The following PRKAA1 variants were observed in gnomAD, a reference collection of about 807,000 sequenced individuals.
PRKAA1 encodes the protein protein kinase AMP-activated catalytic subunit alpha 1, also known as 5'-AMP-activated protein kinase catalytic subunit alpha-1.
PRKAA1 carries 23 observed loss-of-function variants against 56.9 expected under a neutral mutation model. The ratio of observed to expected loss-of-function variants is 0.40; its 90% CI spans 0.29 to 0.57. PRKAA1 has a LOEUF of 0.57. PRKAA1 is among the 20% of genes least tolerant of loss of function. The pLI, the probability that PRKAA1 is intolerant of heterozygous loss-of-function variation, is 0.39. For missense variants in PRKAA1, 413 were observed against 679.7 expected, an observed-to-expected ratio of 0.61 and a Z score of 4.36; for synonymous variants, 226 against 227.0, an observed-to-expected ratio of 1.00 and a Z score of 0.04.
rs1743131830 is a variant in PRKAA1, at chr5:40,760,407, T to C, written c.*2371A>G. On this transcript the variant is annotated 3_prime_UTR_variant, in exon 9 of 9. Coordinates refer to ENST00000397128, the MANE Select transcript of PRKAA1 (RefSeq NM_006251.6). ...ACAATTTTTAAAAGGTCCTATTTAA[T>C]TGGTTCCTCCTTTTCTTCCCCCCTC... The C allele has an allele frequency of 6.5e-6, 1 of 152,732 alleles. No individual in the cohort carries two copies. Among genetic ancestry groups the C allele is most frequent in the Non-Finnish European group, 1.5e-5 (1 of 68,012 alleles). The allele number at this position is 152,732 out of a possible 1,614,324, so 9.5% of individuals were successfully genotyped here.
intron 8 of PRKAA1, 185 bp downstream of exon 8, chr5:40,764,329 C>A: frequency 1.8e-6 from 1 of 566,078 alleles, no homozygotes; most frequent in Non-Finnish European, 3.0e-6. Context: ...GGACAATATG[C>A]TATAAGATTA....
intron 4 of PRKAA1, among the ~76,000 whole-genome samples, chr5:40,771,300 G>C (rs779115983): frequency 4.6e-5 from 7 of 152,192 alleles, no homozygotes; most frequent in Non-Finnish European, 5.9e-5. Context: ...GAGGCCAGGA[G>C]TTCAAGAGCA....
Position 40,765,273 on chromosome 5 carries a change from T to C in PRKAA1, c.822-35A>G, listed in dbSNP as rs773346343. ...AAATGGCAGGATCAGGAGAAGGACT[T>C]TGAATAGAGCTGAGACTGAAAGTAA... On this transcript the variant is annotated intron_variant, in intron 6 of 8. Transcript: ENST00000397128. 3.2e-6 allele frequency: 5 copies of C among 1,571,856 alleles called. No homozygotes were observed. The South Asian group carries it at 4.8e-5, about 15-fold the overall frequency.
At chr5:40,790,086 T>G (rs1400774715) in intron 1 of PRKAA1, 2 of 152,180 alleles carry the variant, frequency 1.3e-5, no homozygotes, top group African/African-American at 4.8e-5. Flanking sequence ...TCCAGGTGAC[T>G]GAGAACAGAA....
At chr5:40,787,898 T>C (rs1163799066) in intron 1 of PRKAA1, among the ~76,000 whole-genome samples, 1 of 151,954 alleles carries the variant, frequency 6.6e-6, no homozygotes, top group African/African-American at 2.4e-5. Flanking sequence ...AGGCATAGAG[T>C]GGCTAAATGG....
intron 1 of PRKAA1, among the ~76,000 whole-genome samples, chr5:40,788,641 A>T (rs1744593695): frequency 6.6e-6 from 1 of 152,144 alleles, no homozygotes; most frequent in Admixed American, 6.5e-5. Flanking sequence ...CAGCCTGACC[A>T]ACATGGTGAA....
chr5:40,796,975 TAAAGAA>T (rs1744953112), intron 1 of PRKAA1, among the ~76,000 whole-genome samples: 1 of 150,064 alleles, frequency 6.7e-6, no homozygotes, highest in South Asian at 2.1e-4. Flanking sequence ...TCAAATATGT[TAAAGAA>T]AAAAAAAATC....
chr5:40,797,817 G>GC (rs1270579833), intron 1 of PRKAA1, among the ~76,000 whole-genome samples: 13 of 152,198 alleles, frequency 8.5e-5, no homozygotes, highest in Middle Eastern at 3.4e-3. Context: ...GTACCTACCA[G>GC]CCCCTCAGGC....
intron 1 of PRKAA1, among the ~76,000 whole-genome samples, chr5:40,788,080 G>C (rs1744569538): frequency 6.6e-6 from 1 of 152,194 alleles, no homozygotes; most frequent in Non-Finnish European, 1.5e-5. Context: ...TAGGTCCAAA[G>C]AGAACAAAGC....
rs1468122343 is a variant in PRKAA1, at chr5:40,795,006, T to TACACACACAC, written c.127+3056_127+3057insGTGTGTGTGT. Among the ~76,000 whole-genome samples, 677 of 139,942 alleles carry TACACACACAC rather than the reference T, an allele frequency of 4.8e-3. 6 individuals carry two copies. Among genetic ancestry groups the TACACACACAC allele is most frequent in the African/African-American group, 0.018 (644 of 35,146 alleles). The allele number at this position is 139,942 out of a possible 152,430, so 91.8% of individuals were successfully genotyped here. On this transcript the variant is annotated intron_variant, in intron 1 of 8. Coordinates refer to ENST00000397128, the MANE Select transcript of PRKAA1 (RefSeq NM_006251.6). The stretch of plus-strand genomic sequence containing the variant: ...AAAGAAACTGTGGTGTATACATATA[T>TACACACACAC]ATACACACACACACACACACACACA...
intron 2 of PRKAA1, 44 bp downstream of exon 2, chr5:40,777,401 G>A (rs1744059599): frequency 2.0e-6 from 3 of 1,533,362 alleles, no homozygotes; most frequent in South Asian, 2.4e-5. Flanking sequence ...TAACAAAAAA[G>A]ATGAAAAGAT....
Position 40,767,534 on chromosome 5 carries a change from A to T in PRKAA1, c.753T>A (p.Ser251=), listed in dbSNP as rs1221948823. Residue 251 remains serine, a synonymous_variant, in exon 6 of 9, where the codon TCT becomes TCA. Transcript: ENST00000397128. ...IFYTPQYLNP[S]VISLLKHMLQ... Reference sequence around the variant, plus strand: ...GCATATGTTTCAAAAGGCTAATCACAGAAGGATTTAAATATTGAGGGGTAT... The same window carrying T: ...GCATATGTTTCAAAAGGCTAATCACTGAAGGATTTAAATATTGAGGGGTAT... 1 of 1,613,884 alleles carries T rather than the reference A, an allele frequency of 6.2e-7. No individual in the cohort carries two copies. The highest frequency in any genetic ancestry group is 1.7e-5 in the Admixed American group (1 of 60,004).
intron 6 of PRKAA1, among the ~76,000 whole-genome samples, chr5:40,765,992 G>A (rs1323921596): frequency 6.6e-6 from 1 of 151,542 alleles, no homozygotes; most frequent in African/African-American, 2.4e-5. Context: ...CTGGGTCATG[G>A]GATTAAAGAT....
chr5:40,791,442 C>A (rs887927453), intron 1 of PRKAA1, among the ~76,000 whole-genome samples: 3 of 152,200 alleles, frequency 2.0e-5, no homozygotes, highest in African/African-American at 7.2e-5. Context: ...TATTAGCTAA[C>A]AACCATGCTA....
chr5:40,769,878 T>TA (rs3071208), intron 4 of PRKAA1, among the ~76,000 whole-genome samples: 36,443 of 109,620 alleles, frequency 0.33, 6,298 homozygotes, highest in East Asian at 0.52. Context: ...TCTGATTCTT[T>TA]AAAAAAAAAA....
At chr5:40,774,886 A>G (rs761548023) in intron 3 of PRKAA1, 7 of 1,498,116 alleles carry the variant, frequency 4.7e-6, no homozygotes, top group Non-Finnish European at 6.5e-6. Flanking sequence ...AATGTCCTAC[A>G]AAGTTCCTTC....
rs574833248 is a variant in PRKAA1, at chr5:40,790,227, T to A, written c.127+7836A>T. On this transcript the variant is annotated intron_variant, in intron 1 of 8. Coordinates refer to ENST00000397128, the MANE Select transcript of PRKAA1 (RefSeq NM_006251.6). ...AGGGTGGATTTTCTAAACTATGATA[T>A]TCACCATTAAAATTAACAAGTTAAC... The A allele has an allele frequency of 2.0e-5, 3 of 152,350 alleles. No individual in the cohort carries two copies. The East Asian group carries it at 5.8e-4, about 29-fold the overall frequency. The allele number at this position is 152,350 out of a possible 1,614,324, so 9.4% of individuals were successfully genotyped here. A position where few individuals can be genotyped will look rare whatever the true frequency, so the allele number is the denominator to read the frequency against.
chr5:40,771,456 C>G (rs891535391), intron 4 of PRKAA1, among the ~76,000 whole-genome samples: 2 of 152,212 alleles, frequency 1.3e-5, no homozygotes, highest in Non-Finnish European at 2.9e-5. Flanking sequence ...GAGCTATGAT[C>G]ACGTCGCTGC....
chr5:40,789,419 T>A (rs1216990091), intron 1 of PRKAA1, among the ~76,000 whole-genome samples: 2 of 152,196 alleles, frequency 1.3e-5, no homozygotes, highest in Non-Finnish European at 2.9e-5. Context: ...GGTGAAACTA[T>A]AAATACAGCC....
Sources: allele counts gnomAD v4.1 joint callset (sites outside exome capture counted in the v4.1 genomes callset), GRCh38; gene constraint gnomAD v4.1.1; transcripts MANE v1.5; gene names NCBI Gene and HGNC (gene_info 2026-07-23, HGNC 2026-07-21).